SAMHD1: variants seen among roughly 807,000 people sequenced by gnomAD.
SAMHD1 encodes SAM and HD domain containing deoxynucleoside triphosphate triphosphohydrolase 1.
In SAMHD1, 54 loss-of-function variants were observed where a neutral mutation model predicts 79.6. That is an observed-to-expected ratio of 0.68 (90% CI 0.55 to 0.85). The LOEUF is 0.85. SAMHD1 is among the 40% of genes least tolerant of loss of function. The pLI is 0.00. For missense variants in SAMHD1, 663 were observed against 782.7 expected (o/e 0.85, Z 1.82); for synonymous variants, 260 against 264.1 (o/e 0.98, Z 0.15).
At chr20:36,900,386 C>A (rs768653697) in intron 13 of SAMHD1, among the ~76,000 whole-genome samples, 8 of 150,920 alleles carry the variant, frequency 5.3e-5, no homozygotes, top group Non-Finnish European at 2.9e-5. Context: ...GCTGGGATTA[C>A]AGGTATGCAC....
Position 36,890,764 on chromosome 20 carries a change from A to G in SAMHD1, c.*2168T>C, listed in dbSNP as rs1307420969. On this transcript the variant is annotated 3_prime_UTR_variant, in exon 16 of 16. Transcript: ENST00000646673. The stretch of plus-strand genomic sequence containing the variant: ...AAGTGCTGGGATTACAGGCATGACC[A>G]CCTCGCCTGGCCAAGAAAAATGTAA... 6.6e-6 allele frequency: 1 copy of G among 152,150 alleles called. No individual in the cohort carries two copies. Among genetic ancestry groups the G allele is most frequent in the Non-Finnish European group, 1.5e-5 (1 of 68,030 alleles). 9.4% of individuals were successfully genotyped at this position (152,150 alleles called of 1,614,324 possible). A position where few individuals can be genotyped will look rare whatever the true frequency, so the allele number is the denominator to read the frequency against.
intron 11 of SAMHD1, 123 bp downstream of exon 11, chr20:36,911,095 T>G: frequency 1.6e-6 from 1 of 636,088 alleles, no homozygotes; most frequent in South Asian, 1.9e-5. Flanking sequence ...CTTTATTTTT[T>G]TAAAATTAAA....
At chr20:36,934,654 TTTC>T (rs1363234118) in intron 4 of SAMHD1, 3 of 140,632 alleles carry the variant, frequency 2.1e-5, no homozygotes, top group African/African-American at 7.7e-5. Flanking sequence ...TTTCTTTTTC[TTTC>T]TTTTTTTTTT....
intron 11 of SAMHD1, among the ~76,000 whole-genome samples, chr20:36,907,513 A>G (rs2063411855): frequency 6.6e-6 from 1 of 150,416 alleles, no homozygotes; most frequent in Non-Finnish European, 1.5e-5. Context: ...CTAAAGGCAC[A>G]TGCCGCCACA....
intron 2 of SAMHD1, chr20:36,946,412 C>CA (rs747820850): frequency 0.27 from 53,238 of 193,724 alleles, 2,973 homozygotes; most frequent in African/African-American, 0.37. Context: ...GACTCTGTCT[C>CA]AAAAAAAAAA....
chr20:36,899,600 C>T (rs1990263640), intron 13 of SAMHD1, among the ~76,000 whole-genome samples: 1 of 152,150 alleles, frequency 6.6e-6, no homozygotes, highest in Non-Finnish European at 1.5e-5. Context: ...TGACCGGAAA[C>T]ATTTTCCTGG....
Position 36,897,960 on chromosome 20 carries a change from C to G in SAMHD1, c.1609-1G>C, listed in dbSNP as rs515726143. The G allele has an allele frequency of 1.2e-6, 2 of 1,614,070 alleles. No individual in the cohort carries two copies. Among genetic ancestry groups the G allele is most frequent in the South Asian group, 2.2e-5 (2 of 91,080 alleles). On this transcript the variant is annotated splice_acceptor_variant, in intron 14 of 15. Coordinates refer to ENST00000646673, the MANE Select transcript of SAMHD1 (RefSeq NM_015474.4). LOFTEE classifies it high-confidence loss of function. ...ATTTCTCTGGCAGAAGTTGTGAAAC[C>G]TTTTTAAAATGAAGAGATTTCACTA... is the stretch of plus-strand genomic sequence containing the variant.
In SAMHD1 at chr20:36,935,190, C is replaced by G. The variant is rs1251155562; in HGVS notation, c.349-1G>C. 3 of 1,610,828 alleles carry G rather than the reference C, an allele frequency of 1.9e-6. No homozygotes were observed. Among genetic ancestry groups the G allele is most frequent in the African/African-American group, 1.3e-5 (1 of 74,786 alleles). On this transcript the variant is annotated splice_acceptor_variant, in intron 3 of 15. Coordinates refer to ENST00000646673, the MANE Select transcript of SAMHD1 (RefSeq NM_015474.4). LOFTEE classifies it high-confidence loss of function. Reference sequence around the variant, plus strand: ...GGCCATGGATAGGATCATTAATTACCTAGAAAATTATGTTTAATTAATACA... The same window carrying G: ...GGCCATGGATAGGATCATTAATTACGTAGAAAATTATGTTTAATTAATACA...
rs990115579 is a variant in SAMHD1 at position 36,892,591 on chromosome 20, G to A, written c.*341C>T. 3 of 320,676 alleles carry A rather than the reference G, an allele frequency of 9.4e-6. No homozygotes were observed. Among genetic ancestry groups the A allele is most frequent in the East Asian group, 8.1e-5 (1 of 12,334 alleles). 19.9% of individuals were successfully genotyped at this position (320,676 alleles called of 1,614,324 possible). ...GGGTCGCTTGAGCCCAGGAAAGTTC[G>A]AGTCCAAGCTGGGCAACAGAGCAAA... On this transcript the variant is annotated 3_prime_UTR_variant, in exon 16 of 16. Transcript: ENST00000646673.
chr20:36,937,374 T>A (rs964664418), intron 3 of SAMHD1, among the ~76,000 whole-genome samples: 1 of 151,980 alleles, frequency 6.6e-6, no homozygotes, highest in Non-Finnish European at 1.5e-5. Context: ...AAAATATAAA[T>A]TGGATTACAT....
intron 9 of SAMHD1, among the ~76,000 whole-genome samples, chr20:36,912,889 G>GTTTTTTTTTTTTTTTTTTT (rs71186089): frequency 2.4e-5 from 1 of 41,104 alleles, no homozygotes; most frequent in Non-Finnish European, 4.1e-5. Context: ...TTCATTCTTT[G>GTTTTTTTTTTTTTTTTTTT]TTTTTTTTTT....
intron 13 of SAMHD1, among the ~76,000 whole-genome samples, chr20:36,903,170 T>A (rs1342479588): frequency 6.6e-6 from 1 of 152,160 alleles, no homozygotes; most frequent in Admixed American, 6.6e-5. Context: ...CAGAGAAAAG[T>A]ATGTTAAACT....
rs2063640497 is a variant in SAMHD1, at chr20:36,941,034, C to T, written c.348+5G>A. The T allele has an allele frequency of 6.2e-7, 1 of 1,607,914 alleles. No homozygotes were observed. The highest frequency in any genetic ancestry group is 1.3e-5 in the African/African-American group (1 of 74,802). ...AAAAAACATAACAAACTCAGATCCT[C>T]TTACCTTCATTGTATCAACGTGGAT... On this transcript the variant is annotated splice_donor_5th_base_variant and intron_variant, in intron 3 of 15. Coordinates refer to ENST00000646673, the MANE Select transcript of SAMHD1 (RefSeq NM_015474.4).
At chr20:36,929,568 C>T (rs927233745) in intron 5 of SAMHD1, among the ~76,000 whole-genome samples, 8 of 152,088 alleles carry the variant, frequency 5.3e-5, no homozygotes, top group Non-Finnish European at 1.0e-4. Context: ...AACTGCATCT[C>T]TACTAAAAAT....
intron 2 of SAMHD1, 62 bp from the exon 3 acceptor site, chr20:36,941,173 T>G: frequency 1.8e-6 from 2 of 1,092,090 alleles, no homozygotes; most frequent in Non-Finnish European, 2.8e-6. Flanking sequence ...CCCTGCAGTA[T>G]ATAGTAGACA....
intron 3 of SAMHD1, among the ~76,000 whole-genome samples, chr20:36,938,827 CAG>C (rs2063621341): frequency 1.3e-5 from 2 of 151,948 alleles, no homozygotes; most frequent in Admixed American, 1.3e-4. Flanking sequence ...GCCTGGGAGA[CAG>C]AGCAAGACTC....
At chr20:36,934,480 G>A (rs1414246849) in intron 4 of SAMHD1, among the ~76,000 whole-genome samples, 4 of 110,092 alleles carry the variant, frequency 3.6e-5, no homozygotes, top group East Asian at 6.4e-4. Flanking sequence ...CCAAGATTAC[G>A]CCACTGCACT....
intron 2 of SAMHD1, among the ~76,000 whole-genome samples, chr20:36,946,023 C>T (rs1234786068): frequency 1.3e-5 from 2 of 152,030 alleles, no homozygotes; most frequent in African/African-American, 4.8e-5. Context: ...TGGCTCACAC[C>T]TGTAATCTCA....
Position 36,904,205 on chromosome 20 carries a change from G to C in SAMHD1, c.1455C>G (p.Pro485=), listed in dbSNP as rs879334178. 2.5e-6 allele frequency: 4 copies of C among 1,613,682 alleles called. No homozygotes were observed. The highest frequency in any genetic ancestry group is 3.4e-6 in the Non-Finnish European group (4 of 1,179,796). Residue 485 remains proline (P), a synonymous_variant, in exon 13 of 16, where the codon CCC becomes CCG. Coordinates refer to ENST00000646673, the MANE Select transcript of SAMHD1 (RefSeq NM_015474.4). ...TCAGTTTCACGTCTAGCAATACTTT[G>C]GGTTTAGCACTGGCAACCTCTTTTG... ...SLPKEVASAK[P]KVLLDVKLKA...
Sources: allele counts gnomAD v4.1 joint callset (sites outside exome capture counted in the v4.1 genomes callset), GRCh38; gene constraint gnomAD v4.1.1; transcripts MANE v1.5; gene names NCBI Gene and HGNC (gene_info 2026-07-23, HGNC 2026-07-21).